DLGAP2: variants seen among roughly 807,000 people sequenced by gnomAD.
The protein encoded by DLGAP2 is disks large-associated protein 2.
DLGAP2 carries 26 observed loss-of-function variants against 100.3 expected under a neutral mutation model. The ratio of observed to expected loss-of-function variants is 0.26; its 90% CI spans 0.19 to 0.36. DLGAP2 has a LOEUF of 0.36. DLGAP2 is among the 10% of genes least tolerant of loss of function. DLGAP2 has a pLI of 1.00. For missense variants in DLGAP2, 1,858 were observed against 1,453.2 expected (o/e 1.28, Z -4.53); for synonymous variants, 886 against 630.1 (o/e 1.41, Z -6.08).
In DLGAP2 at chr8:1,216,133, T is replaced by C. The variant is rs181804546; in HGVS notation, c.74-42718T>C. On this transcript the variant is annotated intron_variant, in intron 2 of 14. Coordinates refer to ENST00000637795, the MANE Select transcript of DLGAP2 (RefSeq NM_001346810.2). ...TTTTCTCAGTTGTAAAGGGTGTGTC[T>C]AGACAGGGGAGTGTGTGTTCGCATG... Among the ~76,000 whole-genome samples, 393 of 152,318 alleles carry C rather than the reference T, an allele frequency of 2.6e-3. 2 individuals carry two copies. Among genetic ancestry groups the C allele is most frequent in the African/African-American group, 8.9e-3 (372 of 41,584 alleles).
At chr8:1,604,904 C>T (rs1159193393) in intron 6 of DLGAP2, among the ~76,000 whole-genome samples, 1 of 152,198 alleles carries the variant, frequency 6.6e-6, no homozygotes, top group Non-Finnish European at 1.5e-5. Context: ...CCGTTAGAAT[C>T]GCTGAGCTTA....
At chr8:1,061,675 G>A (rs1045693367) in intron 2 of DLGAP2, among the ~76,000 whole-genome samples, 2 of 151,996 alleles carry the variant, frequency 1.3e-5, no homozygotes, top group African/African-American at 4.8e-5. Flanking sequence ...CCAGGGAGCC[G>A]GGGCCCAGGT....
At chr8:800,486 A>G (rs1796126073) in intron 1 of DLGAP2, among the ~76,000 whole-genome samples, 1 of 152,196 alleles carries the variant, frequency 6.6e-6, no homozygotes, top group Non-Finnish European at 1.5e-5. Context: ...TCTGCCAGGC[A>G]TGGAGACTCT....
chr8:1,701,297 G>T lies in DLGAP2; in HGVS notation c.3059G>T (p.Arg1020Leu). The change falls in exon 15 of 15, where the codon CGG becomes CTG. Residue 1020 changes from arginine to leucine, a missense_variant. Arg to Leu is a moderately radical substitution (Grantham distance 102, BLOSUM62 -2). Transcript: ENST00000637795. ...CCCGACAGACAACGCCAGGAAGCCC[G>T]GAGGCGCCTCATGGCCGCCAAGCGA... ...DLPDRQRQEA[R>L]RRLMAAKRAA... 7 of 1,585,606 alleles carry T rather than the reference G, an allele frequency of 4.4e-6. No individual in the cohort carries two copies. Among genetic ancestry groups the T allele is most frequent in the Non-Finnish European group, 6.0e-6 (7 of 1,166,680 alleles).
At chr8:1,307,931 T>C (rs1800527721) in intron 3 of DLGAP2, among the ~76,000 whole-genome samples, 1 of 147,290 alleles carries the variant, frequency 6.8e-6, no homozygotes, top group African/African-American at 2.6e-5. Flanking sequence ...AGGACGCATT[T>C]TGGAGACAAT....
At chr8:1,263,877 C>T (rs1368969795) in intron 3 of DLGAP2, among the ~76,000 whole-genome samples, 2 of 152,074 alleles carry the variant, frequency 1.3e-5, no homozygotes, top group Non-Finnish European at 2.9e-5. Flanking sequence ...TTTCTGATTG[C>T]TATTTGTGGT....
intron 3 of DLGAP2, among the ~76,000 whole-genome samples, chr8:1,305,492 G>C (rs1426231529): frequency 6.6e-6 from 1 of 152,148 alleles, no homozygotes; most frequent in Non-Finnish European, 1.5e-5. Context: ...TCATACATTT[G>C]TGTGTCTTTC....
intron 1 of DLGAP2, among the ~76,000 whole-genome samples, chr8:799,219 C>T (rs1028425503): frequency 7.9e-5 from 12 of 152,164 alleles, no homozygotes; most frequent in East Asian, 3.9e-4. Context: ...GCTCCTTTCT[C>T]GGGCTCCTTC....
At chr8:1,566,145 C>A (rs1318923860) in intron 6 of DLGAP2, among the ~76,000 whole-genome samples, 1 of 152,206 alleles carries the variant, frequency 6.6e-6, no homozygotes, top group African/African-American at 2.4e-5. Context: ...ATAAAGCCAA[C>A]ATGAGCCATC....
At chr8:1,321,269 C>G (rs997465573) in intron 3 of DLGAP2, among the ~76,000 whole-genome samples, 4 of 149,716 alleles carry the variant, frequency 2.7e-5, no homozygotes, top group African/African-American at 9.9e-5. Flanking sequence ...GTGCCATGTG[C>G]GTGTGCGTGC....
chr8:1,657,805 T>G (rs191591567), intron 8 of DLGAP2, among the ~76,000 whole-genome samples: 1 of 152,242 alleles, frequency 6.6e-6, no homozygotes, highest in Non-Finnish European at 1.5e-5. Context: ...AAATCAAATA[T>G]TGCCAATATA....
chr8:788,713 A>G (rs1013363264), intron 1 of DLGAP2, among the ~76,000 whole-genome samples: 2 of 152,224 alleles, frequency 1.3e-5, no homozygotes, highest in Non-Finnish European at 2.9e-5. Flanking sequence ...CAGTGTTTTA[A>G]TCAGATTTCT....
chr8:1,061,519 C>T (rs1056244206), intron 2 of DLGAP2, among the ~76,000 whole-genome samples: 1 of 152,138 alleles, frequency 6.6e-6, no homozygotes, highest in African/African-American at 2.4e-5. Context: ...TTGCATCCCC[C>T]CCTCCAGCCA....
At chr8:823,380 G>A (rs1007753003) in intron 1 of DLGAP2, among the ~76,000 whole-genome samples, 3 of 152,058 alleles carry the variant, frequency 2.0e-5, no homozygotes, top group Non-Finnish European at 4.4e-5. Flanking sequence ...ACAGTTCACA[G>A]TACGCTTGTC....
chr8:1,026,973 T>C (rs1801819026), intron 2 of DLGAP2, among the ~76,000 whole-genome samples: 1 of 152,362 alleles, frequency 6.6e-6, no homozygotes, highest in Admixed American at 6.5e-5. Flanking sequence ...ATCATTTACA[T>C]TGTACGCTTA....
At position 1,196,787 on chromosome 8, in the gene DLGAP2, C is replaced by T. The variant is rs559975349; in HGVS notation, c.74-62064C>T. Reference sequence around the variant, plus strand: ...GGCTTGGACGGCTGCATGTCAGCTGCAGCAGTGATGAGCCAGGGGCGGTAA... The same window carrying T: ...GGCTTGGACGGCTGCATGTCAGCTGTAGCAGTGATGAGCCAGGGGCGGTAA... On this transcript the variant is annotated intron_variant, in intron 2 of 14. Transcript: ENST00000637795. Among the ~76,000 whole-genome samples the T allele has an allele frequency of 3.3e-5, 5 of 152,306 alleles. No individual in the cohort carries two copies. In the East Asian group the frequency reaches 9.7e-4, roughly 29 times the overall value.
chr8:1,267,212 A>G (rs1283061384), intron 3 of DLGAP2, among the ~76,000 whole-genome samples: 2 of 150,172 alleles, frequency 1.3e-5, no homozygotes, highest in Non-Finnish European at 2.9e-5. Context: ...AGCCTGGGCA[A>G]CAGAGCGAGA....
At chr8:1,538,775 A>T (rs1430181245) in intron 4 of DLGAP2, among the ~76,000 whole-genome samples, 2 of 152,088 alleles carry the variant, frequency 1.3e-5, no homozygotes, top group Non-Finnish European at 2.9e-5. Context: ...AGCCACTCAG[A>T]ACTCCAGAGA....
At chr8:1,681,922 C>T (rs536703744) in intron 12 of DLGAP2, among the ~76,000 whole-genome samples, 3 of 147,806 alleles carry the variant, frequency 2.0e-5, no homozygotes, top group Non-Finnish European at 4.4e-5. Context: ...GAGTCACGGC[C>T]CTCTGACGTT....
Sources: allele counts gnomAD v4.1 joint callset (sites outside exome capture counted in the v4.1 genomes callset), GRCh38; gene constraint gnomAD v4.1.1; transcripts MANE v1.5; gene names NCBI Gene and HGNC (gene_info 2026-07-23, HGNC 2026-07-21).